The following CCDC73 variants were observed in gnomAD, a reference collection of about 807,000 sequenced individuals.
The protein encoded by CCDC73 is coiled-coil domain containing 73.
In CCDC73, 95 loss-of-function variants were observed where a neutral mutation model predicts 116.5. That is an observed-to-expected ratio of 0.82 (90% CI 0.69 to 0.97). CCDC73 has a LOEUF of 0.97. CCDC73 is among the 50% of genes least tolerant of loss of function. The pLI, the probability that CCDC73 is intolerant of heterozygous loss-of-function variation, is 0.00. For synonymous variants in CCDC73, 398 were observed against 401.3 expected (o/e 0.99, Z 0.10); for missense variants, 1,066 against 1,206.8 (o/e 0.88, Z 1.73).
intron 2 of CCDC73, among the ~76,000 whole-genome samples, chr11:32,728,693 CTGTTTTGTT>C (rs918994148): frequency 2.0e-5 from 3 of 149,796 alleles, no homozygotes; most frequent in African/African-American, 7.3e-5. Context: ...ATTTCCAATT[CTGTTTTGTT>C]TGTTTTGTTT....
At chr11:32,719,437 A>G (rs1178141446) in intron 2 of CCDC73, among the ~76,000 whole-genome samples, 1 of 152,240 alleles carries the variant, frequency 6.6e-6, no homozygotes, top group African/African-American at 2.4e-5. Flanking sequence ...CAAAGACAAC[A>G]GACCTTACAA....
the CCDC73 span, among the ~76,000 whole-genome samples, chr11:32,817,652 G>A: frequency 6.6e-6 from 1 of 152,080 alleles, no homozygotes; most frequent in African/African-American, 2.4e-5. Flanking sequence ...AATTTTCCAT[G>A]ACTCCTCACT....
intron 13 of CCDC73, among the ~76,000 whole-genome samples, chr11:32,640,601 A>G (rs1565064019): frequency 6.6e-6 from 1 of 152,222 alleles, no homozygotes; most frequent in Non-Finnish European, 1.5e-5. Context: ...CTGTACTAGT[A>G]TACCATTTAA....
intron 2 of CCDC73, among the ~76,000 whole-genome samples, chr11:32,719,726 C>T (rs1423336429): frequency 2.0e-5 from 3 of 151,986 alleles, no homozygotes; most frequent in Non-Finnish European, 2.9e-5. Context: ...AAAGAGACCA[C>T]GTACAAAAAC....
the CCDC73 span, chr11:32,830,576 T>G: frequency 6.2e-7 from 1 of 1,611,616 alleles, no homozygotes; most frequent in African/African-American, 1.3e-5. Context: ...ACAGTTACCC[T>G]GGGGTTTCCT....
chr11:32,611,223 C>T lies in CCDC73; in HGVS notation c.2939G>A (p.Trp980Ter), dbSNP rs1327257147. 6.2e-7 allele frequency: 1 copy of T among 1,613,280 alleles called. No individual in the cohort carries two copies. Among genetic ancestry groups the T allele is most frequent in the Non-Finnish European group, 8.5e-7 (1 of 1,179,406 alleles). Reference sequence around the variant, plus strand: ...TCCCTTGGGATCTGGATGGATACTCCAGTTATTCAAAGTGTCAGCAACTCT... The same window carrying T: ...TCCCTTGGGATCTGGATGGATACTCTAGTTATTCAAAGTGTCAGCAACTCT... ...INRVADTLNN[W>*]SIHPDPKGEP... Residue 980 changes from tryptophan (W) to a stop codon, truncating the protein, a stop_gained, in exon 17 of 18, where the codon TGG (tryptophan) becomes TAG (stop). Transcript: ENST00000335185. LOFTEE classifies it high-confidence loss of function.
At chr11:32,795,708 A>C (rs1229184142), upstream of CCDC73, among the ~76,000 whole-genome samples, 1 of 138,834 alleles carries the variant, frequency 7.2e-6, no homozygotes, top group Admixed American at 7.2e-5. Context: ...TTTTTTTTTG[A>C]GAAAAAGTCT....
At position 32,614,207 on chromosome 11, in the gene CCDC73, A is replaced by C. The variant is rs745717771; in HGVS notation, c.2111T>G (p.Ile704Arg). ...ATATGAAACATGGTGGTCGATTACT[A>C]TATCACAGGGAACAGTTAGTTCAGA... ...EKSELTVPCD[I>R]VIDHHVSYAA... is the part of the protein sequence containing the mutation. Residue 704 changes from isoleucine (I) to arginine (R), a missense_variant, in exon 16 of 18, where the codon ATA becomes AGA. Physicochemically the swap from Ile to Arg is moderately conservative, Grantham distance 97 (BLOSUM62 -3). Transcript: ENST00000335185. 1 of 1,613,766 alleles carries C rather than the reference A, an allele frequency of 6.2e-7. No individual in the cohort carries two copies. Among genetic ancestry groups the C allele is most frequent in the African/African-American group, 1.3e-5 (1 of 74,918 alleles).
intron 2 of CCDC73, among the ~76,000 whole-genome samples, chr11:32,739,946 T>A (rs1054514442): frequency 6.6e-6 from 1 of 151,974 alleles, no homozygotes; most frequent in Non-Finnish European, 1.5e-5. Context: ...AATAGTTATA[T>A]GTTTGTCCTT....
intron 7 of CCDC73, among the ~76,000 whole-genome samples, chr11:32,678,897 A>AATAT (rs1554964648): frequency 1.6e-4 from 23 of 145,224 alleles, no homozygotes; most frequent in Admixed American, 2.1e-4. Flanking sequence ...AAAAAAAAAA[A>AATAT]ATATATATAT....
chr11:32,652,357 G>A (rs1855833841), intron 12 of CCDC73, among the ~76,000 whole-genome samples: 1 of 146,448 alleles, frequency 6.8e-6, no homozygotes, highest in African/African-American at 2.5e-5. Context: ...CAAAAGAAAA[G>A]AAATACGTGC....
chr11:32,779,282 A>AAG (rs1850562442), intron 1 of CCDC73, among the ~76,000 whole-genome samples: 1 of 149,886 alleles, frequency 6.7e-6, no homozygotes, highest in African/African-American at 2.5e-5. Context: ...AAAAAAAAAA[A>AAG]GGAGGAAGCA....
chr11:32,708,539 GGGAT>G (rs1285918707), intron 3 of CCDC73, among the ~76,000 whole-genome samples: 25 of 152,160 alleles, frequency 1.6e-4, no homozygotes, highest in Admixed American at 1.6e-3. Flanking sequence ...CCATGAGCAT[GGGAT>G]GTGTTTCCAT....
chr11:32,790,106 GA>G (rs1428556956), intron 1 of CCDC73, among the ~76,000 whole-genome samples: 1 of 151,840 alleles, frequency 6.6e-6, no homozygotes, highest in Non-Finnish European at 1.5e-5. Context: ...AGGTAAGGCT[GA>G]GAGAAGATGA....
chr11:32,813,450 G>T, the CCDC73 span, among the ~76,000 whole-genome samples: 1 of 152,008 alleles, frequency 6.6e-6, no homozygotes. Flanking sequence ...CAGAGATGGA[G>T]TCCCACTATA....
chr11:32,645,298 T>C (rs886076221), intron 12 of CCDC73, among the ~76,000 whole-genome samples: 3 of 149,664 alleles, frequency 2.0e-5, no homozygotes, highest in Non-Finnish European at 4.5e-5. Flanking sequence ...TTTCTTTTTT[T>C]TTTTTTTTTT....
intron 2 of CCDC73, chr11:32,758,404 G>A (rs181133545): frequency 2.8e-5 from 14 of 501,186 alleles, no homozygotes; most frequent in Admixed American, 1.2e-4. Context: ...AAATCTCCAC[G>A]TGGCATGCCT....
the CCDC73 span, among the ~76,000 whole-genome samples, chr11:32,827,086 A>C: frequency 0.025 from 3,806 of 152,132 alleles, 153 homozygotes; most frequent in African/African-American, 0.087. Context: ...GGCTGGTCTC[A>C]AACTGCTGAC....
intron 9 of CCDC73, among the ~76,000 whole-genome samples, chr11:32,656,363 G>A (rs1329631573): frequency 4.6e-5 from 7 of 152,048 alleles, no homozygotes. Flanking sequence ...ACAGGCGTGA[G>A]CCACCGCGCC....
Sources: gnomAD v4.1 joint callset for allele counts (sites outside exome capture counted in the v4.1 genomes callset) on GRCh38, gnomAD v4.1.1 for gene constraint, MANE v1.5 for transcripts, NCBI Gene and HGNC (gene_info 2026-07-23, HGNC 2026-07-21) for gene names.